Variants in PLCD4 observed in about 807,000 individuals in gnomAD.
The protein encoded by PLCD4 is phospholipase C delta 4.
In PLCD4, 63 loss-of-function variants were observed where a neutral mutation model predicts 90.2. The ratio of observed to expected loss-of-function variants is 0.70; its 90% CI spans 0.57 to 0.86. The LOEUF (loss-of-function observed/expected upper bound fraction) is 0.86, where lower values mean the gene tolerates loss of function less well. Ranked by LOEUF, PLCD4 falls within the 40% of genes least tolerant of loss-of-function variation. PLCD4 has a pLI of 0.00. For synonymous variants in PLCD4, 294 were observed against 356.5 expected (o/e 0.82, Z 1.97); for missense variants, 830 against 956.3 (o/e 0.87, Z 1.74).
At chr2:218,619,547 C>A (rs1296660787) in intron 4 of PLCD4, among the ~76,000 whole-genome samples, 1 of 152,150 alleles carries the variant, frequency 6.6e-6, no homozygotes, top group Non-Finnish European at 1.5e-5. Flanking sequence ...CCCACCTCAG[C>A]CTCCCAAAGT....
At chr2:218,626,638 T>C (rs898184623) in intron 6 of PLCD4, among the ~76,000 whole-genome samples, 3 of 152,166 alleles carry the variant, frequency 2.0e-5, no homozygotes, top group African/African-American at 7.2e-5. Context: ...TCATTGTTGT[T>C]GTTGTTGTAT....
At chr2:218,625,507 A>G (rs1278798592) in intron 6 of PLCD4, among the ~76,000 whole-genome samples, 1 of 152,242 alleles carries the variant, frequency 6.6e-6, no homozygotes, top group Non-Finnish European at 1.5e-5. Flanking sequence ...TTATTAACTG[A>G]TAACTGTGAG....
chr2:218,610,986 C>G (rs183826244), intron 1 of PLCD4, among the ~76,000 whole-genome samples: 22 of 152,264 alleles, frequency 1.4e-4, no homozygotes, highest in Middle Eastern at 3.4e-3. Flanking sequence ...TCTCAGCCCC[C>G]CAAAGTGCTG....
rs746443532 is a variant in PLCD4 at position 218,632,289 on chromosome 2, C to G, written c.1426C>G (p.Leu476Val). ...TGAGCCTGAGCCCCAGGAGCAGAAC[C>G]TTCAGAATAAGGACAAAAAGAAGGT... Reference protein sequence around the residue: ...ETEPEPQEQNLQNKDKKKKSK... With the variant: ...ETEPEPQEQNVQNKDKKKKSK... Residue 476 changes from leucine to valine, a missense_variant, in exon 10 of 16, where the codon CTT (leucine) becomes GTT (valine). By Grantham distance (32) the Leu-to-Val change is conservative. Coordinates refer to ENST00000450993, the MANE Select transcript of PLCD4 (RefSeq NM_032726.4). The G allele has an allele frequency of 5.0e-6, 8 of 1,609,864 alleles. No homozygotes were observed. The South Asian group carries it at 7.8e-5, about 16-fold the overall frequency.
At chr2:218,633,963 A>T in intron 11 of PLCD4, 142 bp from the exon 12 acceptor site, 1 of 1,272,866 alleles carries the variant, frequency 7.9e-7, no homozygotes, top group African/African-American at 1.5e-5. Context: ...GTCTGGATGG[A>T]CAGAGTAGAG....
chr2:218,613,252 G>A lies in PLCD4; in HGVS notation c.-33-2455G>A, dbSNP rs564344467. 3.9e-5 allele frequency among the ~76,000 whole-genome samples: 6 copies of A among 152,070 alleles called. No individual in the cohort carries two copies. The East Asian group carries it at 1.2e-3, about 30-fold the overall frequency. ...TTAAAAATACAAAAATTAGCTGGGTGTGGTGATGGGTGCCTGTAATCCCAG... is the reference window on the plus strand; with the variant it reads ...TTAAAAATACAAAAATTAGCTGGGTATGGTGATGGGTGCCTGTAATCCCAG... On this transcript the variant is annotated intron_variant, in intron 1 of 15. Transcript: ENST00000450993.
At chr2:218,623,476 T>C (rs1478405308) in intron 6 of PLCD4, among the ~76,000 whole-genome samples, 1 of 152,216 alleles carries the variant, frequency 6.6e-6, no homozygotes, top group Non-Finnish European at 1.5e-5. Context: ...TTCTTCCTCT[T>C]GCCTCTTCAG....
intron 6 of PLCD4, among the ~76,000 whole-genome samples, chr2:218,624,154 C>T (rs1199195820): frequency 6.6e-6 from 1 of 152,162 alleles, no homozygotes; most frequent in Non-Finnish European, 1.5e-5. Flanking sequence ...TTAGTTGGTG[C>T]CTCTCTTGAG....
rs1198907389 is a variant in PLCD4, at chr2:218,636,837, T to A, written c.*260T>A. The A allele has an allele frequency of 1.8e-6, 1 of 546,158 alleles. No individual in the cohort carries two copies. The highest frequency in any genetic ancestry group is 1.5e-5 in the South Asian group (1 of 65,314). The allele number at this position is 546,158 out of a possible 1,614,324, so 33.8% of individuals were successfully genotyped here. The stretch of plus-strand genomic sequence containing the variant: ...TTCCTTTGTGTACTCTATACTGGAG[T>A]TCCCTTCTTCCTCTTGCTGTAGGCT... On this transcript the variant is annotated 3_prime_UTR_variant, in exon 16 of 16. Coordinates refer to ENST00000450993, the MANE Select transcript of PLCD4 (RefSeq NM_032726.4).
chr2:218,618,207 A>G (rs1317253942), intron 3 of PLCD4, among the ~76,000 whole-genome samples: 3 of 152,236 alleles, frequency 2.0e-5, no homozygotes, highest in Non-Finnish European at 4.4e-5. Context: ...TGTCATCCCC[A>G]TCAGTCCTCC....
chr2:218,618,230 TG>T (rs1432796323), intron 3 of PLCD4, among the ~76,000 whole-genome samples: 1 of 152,250 alleles, frequency 6.6e-6, no homozygotes, highest in Non-Finnish European at 1.5e-5. Context: ...TGATCACCAT[TG>T]GGGCTGCCTA....
chr2:218,622,882 A>G lies in PLCD4; in HGVS notation c.772+4A>G. On this transcript the variant is annotated splice_donor_region_variant and intron_variant, in intron 6 of 15. Transcript: ENST00000450993. ...CGCTATGAACCTTCAGACAGTGGTA[A>G]GAGAAATCAGGTGGAGAGGCACCAG... 1 of 1,611,814 alleles carries G rather than the reference A, an allele frequency of 6.2e-7. No individual in the cohort carries two copies. Among genetic ancestry groups the G allele is most frequent in the African/African-American group, 1.3e-5 (1 of 74,976 alleles).
chr2:218,608,958 G>A (rs1695209397), intron 1 of PLCD4, among the ~76,000 whole-genome samples: 1 of 151,948 alleles, frequency 6.6e-6, no homozygotes, highest in Non-Finnish European at 1.5e-5. Context: ...CTAACATGGT[G>A]AAACCCCGTC....
intron 1 of PLCD4, among the ~76,000 whole-genome samples, chr2:218,613,171 A>C (rs546036989): frequency 1.5e-4 from 23 of 152,180 alleles, no homozygotes; most frequent in African/African-American, 5.1e-4. Context: ...CGGGTGGATC[A>C]CCTGAGGTCA....
At position 218,634,626 on chromosome 2, in the gene PLCD4, T is replaced by C. The variant is rs753614726; in HGVS notation, c.1892T>C (p.Ile631Thr). 1.2e-6 allele frequency: 2 copies of C among 1,612,748 alleles called. No individual in the cohort carries two copies. The highest frequency in any genetic ancestry group is 1.7e-6 in the Non-Finnish European group (2 of 1,179,512). ...CCTTTCAAAGCCCAGACTCTCTTAA[T>C]CCAGGTACAGTGGAAATAAACTGTT... Reference protein sequence around the residue: ...ISPFKAQTLLIQVISGQQLPK... With the variant: ...ISPFKAQTLLTQVISGQQLPK... The change falls in exon 13 of 16, where the codon ATC becomes ACC. Residue 631 changes from isoleucine to threonine, a missense_variant. Ile to Thr is a moderately conservative substitution (Grantham distance 89). Coordinates refer to ENST00000450993, the MANE Select transcript of PLCD4 (RefSeq NM_032726.4). This position sits in a 1 kb window ranked among gnomAD's most constrained non-coding sequence, Gnocchi z 4.0.
chr2:218,610,719 G>A lies in PLCD4; in HGVS notation c.-34+2649G>A, dbSNP rs1168833303. ...CCTTGAGCTGGTTGTATGGAGACCT[G>A]GGTTCTTTTTTTTTTCCTCCTGCCC... On this transcript the variant is annotated intron_variant, in intron 1 of 15. Transcript: ENST00000450993. 2.6e-5 allele frequency among the ~76,000 whole-genome samples: 4 copies of A among 151,948 alleles called. No homozygotes were observed. The East Asian group carries it at 7.8e-4, about 29-fold the overall frequency.
At chr2:218,615,330 CA>C (rs1424258434) in intron 1 of PLCD4, among the ~76,000 whole-genome samples, 1 of 152,124 alleles carries the variant, frequency 6.6e-6, no homozygotes, top group African/African-American at 2.4e-5. Flanking sequence ...GAAAGGATTC[CA>C]CCTGGAAATG....
intron 1 of PLCD4, among the ~76,000 whole-genome samples, chr2:218,614,145 G>C (rs1305848394): frequency 6.7e-6 from 1 of 149,174 alleles, no homozygotes; most frequent in South Asian, 2.1e-4. Flanking sequence ...TCAGCCTCCT[G>C]AGTAGCTGGG....
At position 218,634,805 on chromosome 2, in the gene PLCD4, T is replaced by C. The variant is rs1026305675; in HGVS notation, c.1896+175T>C. Among the ~76,000 whole-genome samples, 1 of 152,208 alleles carries C rather than the reference T, an allele frequency of 6.6e-6. No homozygotes were observed. The highest frequency in any genetic ancestry group is 6.5e-5 in the Admixed American group (1 of 15,278). ...ACCACAACTTCCTAATTGGGTAATG[T>C]TGGGCAAGTTCCTTAACCTCTCCAT... On this transcript the variant is annotated intron_variant, in intron 13 of 15. Coordinates refer to ENST00000450993, the MANE Select transcript of PLCD4 (RefSeq NM_032726.4). This position sits in a 1 kb window ranked among gnomAD's most constrained non-coding sequence, Gnocchi z 4.0.
Sources: gnomAD v4.1 joint callset for allele counts (sites outside exome capture counted in the v4.1 genomes callset) on GRCh38, gnomAD v4.1.1 for gene constraint, Gnocchi (gnomAD v3.1) non-coding constraint, MANE v1.5 for transcripts, NCBI Gene and HGNC (gene_info 2026-07-23, HGNC 2026-07-21) for gene names.